Variants in PCDHGA12 observed in about 807,000 individuals in gnomAD.
The protein encoded by PCDHGA12 is protocadherin gamma-A12.
Under a neutral mutation model 61.1 loss-of-function variants are expected in PCDHGA12, and 43 were observed. That is an observed-to-expected ratio of 0.70 (90% CI 0.55 to 0.91). PCDHGA12 has a LOEUF of 0.91. Among genes scored for constraint, PCDHGA12 ranks in the 40% least tolerant of loss-of-function variants. The probability of loss-of-function intolerance (pLI) is 0.00; values close to 1 mark genes in which losing one functional copy is unlikely to be tolerated. For synonymous variants in PCDHGA12, 520 were observed against 542.9 expected, an observed-to-expected ratio of 0.96 and a Z score of 0.59; for missense variants, 1,236 against 1,227.7, an observed-to-expected ratio of 1.01 and a Z score of -0.10.
Position 141,432,010 on chromosome 5 carries a change from CT to C in PCDHGA12, c.1252del (p.Tyr418ThrfsTer5). The C allele has an allele frequency of 6.2e-7, 1 of 1,614,068 alleles. No individual in the cohort carries two copies. Among genetic ancestry groups the C allele is most frequent in the Non-Finnish European group, 8.5e-7 (1 of 1,180,022 alleles). Reference protein sequence around the residue: ...IVLDREQVPSYNITVTATDRG... With the variant: ...IVLDREQVPSXNITVTATDRG... ...TCTTGGATAGGGAACAGGTTCCTAG[CT>C]ACAACATCACAGTGACCGCCACTGA... On this transcript the variant is annotated frameshift_variant, in exon 1 of 4. Coordinates refer to ENST00000252085, the MANE Select transcript of PCDHGA12 (RefSeq NM_003735.3). LOFTEE classifies it high-confidence loss of function. This position sits in a 1 kb window ranked among gnomAD's most constrained non-coding sequence, Gnocchi z 6.0.
In PCDHGA12 at chr5:141,453,631, T is replaced by C. The variant is rs114710858; in HGVS notation, c.2424+20448T>C. On this transcript the variant is annotated intron_variant, in intron 1 of 3. Transcript: ENST00000252085. ...AACGCAAAAACAAAACCTATACATATTTATATTTTCTTATGTCCTCTTCTT... is the reference window on the plus strand; with the variant it reads ...AACGCAAAAACAAAACCTATACATACTTATATTTTCTTATGTCCTCTTCTT... Among the ~76,000 whole-genome samples the C allele has an allele frequency of 8.2e-3, 1,249 of 152,332 alleles. 7 individuals are homozygous for C. Among genetic ancestry groups the C allele is most frequent in the Non-Finnish European group, 0.013 (893 of 68,030 alleles).
In PCDHGA12 at chr5:141,431,280, C is replaced by T. The variant is rs2097357763; in HGVS notation, c.521C>T (p.Pro174Leu). The T allele has an allele frequency of 1.9e-6, 3 of 1,614,146 alleles. No homozygotes were observed. Among genetic ancestry groups the T allele is most frequent in the South Asian group, 1.1e-5 (1 of 91,088 alleles). ...TCTCTGCAGAGCTACGAGCTCAGCC[C>T]GAACACTCACTTCTCCCTCATCGTG... ...KNSLQSYELS[P>L]NTHFSLIVQN... is the part of the protein sequence containing the mutation. Residue 174 changes from proline (P) to leucine (L), a missense_variant, in exon 1 of 4, where the codon CCG becomes CTG. Transcript: ENST00000252085. This position sits in a 1 kb window ranked among gnomAD's most constrained non-coding sequence, Gnocchi z 4.8.
chr5:141,431,356 C>T lies in PCDHGA12; in HGVS notation c.597C>T (p.Ala199=). ...ACCCCGAATTGGTGCTGAAACGCGC[C>T]CTGGACCGCGAAGAAAAGGCTGCTC... ...SKYPELVLKR[A]LDREEKAAHH... is the part of the protein sequence containing the mutation. Residue 199 remains alanine (A), a synonymous_variant, in exon 1 of 4, where the codon GCC becomes GCT. Transcript: ENST00000252085. This position sits in a 1 kb window ranked among gnomAD's most constrained non-coding sequence, Gnocchi z 4.8. 6.2e-7 allele frequency: 1 copy of T among 1,614,004 alleles called. No individual in the cohort carries two copies. The highest frequency in any genetic ancestry group is 8.5e-7 in the Non-Finnish European group (1 of 1,180,026).
At chr5:141,469,948 T>C (rs1258593339) in intron 1 of PCDHGA12, among the ~76,000 whole-genome samples, 2 of 152,110 alleles carry the variant, frequency 1.3e-5, no homozygotes, top group Admixed American at 1.3e-4. Flanking sequence ...CTGGCCAGCA[T>C]GGTGAAACCC....
intron 1 of PCDHGA12, among the ~76,000 whole-genome samples, chr5:141,454,649 G>A (rs1202153817): frequency 6.6e-6 from 1 of 151,800 alleles, no homozygotes; most frequent in Non-Finnish European, 1.5e-5. Context: ...CAGGTGATCT[G>A]CCCACCTCGG....
intron 1 of PCDHGA12, among the ~76,000 whole-genome samples, chr5:141,437,093 C>T (rs1382920904): frequency 2.6e-5 from 4 of 152,136 alleles, no homozygotes; most frequent in East Asian, 1.9e-4. Flanking sequence ...TTGAAACTAA[C>T]GGCTTAGCTT....
At chr5:141,492,659 T>C (rs2099742881) in intron 1 of PCDHGA12, among the ~76,000 whole-genome samples, 1 of 152,182 alleles carries the variant, frequency 6.6e-6, no homozygotes, top group Non-Finnish European at 1.5e-5. Context: ...GTCCGGATGG[T>C]CCCGGGACTC....
chr5:141,434,010 T>C (rs772136259), intron 1 of PCDHGA12, among the ~76,000 whole-genome samples: 26 of 152,224 alleles, frequency 1.7e-4, no homozygotes, highest in Non-Finnish European at 3.1e-4. Flanking sequence ...TATATGTTTG[T>C]TTCTATGATT....
rs919375073 is a variant in PCDHGA12 at position 141,490,642 on chromosome 5, C to A, written c.2425-4165C>A. On this transcript the variant is annotated intron_variant, in intron 1 of 3. Coordinates refer to ENST00000252085, the MANE Select transcript of PCDHGA12 (RefSeq NM_003735.3). This position sits in a 1 kb window ranked among gnomAD's most constrained non-coding sequence, Gnocchi z 5.4. ...CACTGCTTACATCCTAGAAAACCGG[C>A]CTCCGGGCTCCCTTCTTTGCACTGT... 4.3e-6 allele frequency: 7 copies of A among 1,614,102 alleles called. No individual in the cohort carries two copies. In the African/African-American group the frequency reaches 6.7e-5, roughly 15 times the overall value.
chr5:141,501,701 G>A (rs747266621), intron 2 of PCDHGA12, among the ~76,000 whole-genome samples: 3 of 151,984 alleles, frequency 2.0e-5, no homozygotes, highest in East Asian at 1.9e-4. Flanking sequence ...GGGTGATTCC[G>A]AGGATAAAAA....
At chr5:141,440,221 C>A (rs557068282) in intron 1 of PCDHGA12, 2 of 152,450 alleles carry the variant, frequency 1.3e-5, no homozygotes, top group Admixed American at 6.5e-5. Context: ...GTAATCCCAG[C>A]ACTTTGGGAG....
chr5:141,460,277 A>C (rs2154566827), intron 1 of PCDHGA12, among the ~76,000 whole-genome samples: 1 of 152,124 alleles, frequency 6.6e-6, no homozygotes, highest in African/African-American at 2.4e-5. Context: ...TTTCTTTTAT[A>C]GTTTGTATTT....
rs2098098668 is a variant in PCDHGA12, at chr5:141,439,210, T to C, written c.2424+6027T>C. Among the ~76,000 whole-genome samples the C allele has an allele frequency of 4.0e-5, 6 of 150,296 alleles. No homozygotes were observed. The Middle Eastern group carries it at 0.014, about 343-fold the overall frequency. On this transcript the variant is annotated intron_variant, in intron 1 of 3. Transcript: ENST00000252085. The stretch of plus-strand genomic sequence containing the variant: ...TCTGACAAAAAAAAAAAAAAATCCA[T>C]ATGTGAAAATTCTTAGAAGCTTCCT...
chr5:141,479,435 G>C (rs2099495981), intron 1 of PCDHGA12: 1 of 152,218 alleles, frequency 6.6e-6, no homozygotes, highest in Non-Finnish European at 1.5e-5. Context: ...TCAATCCACT[G>C]TCTGCACTAA....
In PCDHGA12 at chr5:141,433,358, C is replaced by CCTATCTATCTATCTAT. The variant is rs3074541; in HGVS notation, c.2424+208_2424+223dup. ...ACAGGTGCAAGCCACCTACTGTCTG[C>CCTATCTATCTATCTAT]CTATCTATCTATCTATCTATCTATC... On this transcript the variant is annotated intron_variant, in intron 1 of 3. Coordinates refer to ENST00000252085, the MANE Select transcript of PCDHGA12 (RefSeq NM_003735.3). 1.1e-3 allele frequency: 566 copies of CCTATCTATCTATCTAT among 504,038 alleles called. 2 individuals carry two copies. The highest frequency in any genetic ancestry group is 1.7e-3 in the East Asian group (49 of 28,778). The allele number at this position is 504,038 out of a possible 1,614,324, so 31.2% of individuals were successfully genotyped here.
chr5:141,502,578 T>C (rs2099815145), intron 2 of PCDHGA12, among the ~76,000 whole-genome samples: 1 of 152,198 alleles, frequency 6.6e-6, no homozygotes, highest in African/African-American at 2.4e-5. Context: ...TATAAAAATA[T>C]ATTTTTATAA....
chr5:141,431,876 GA>G lies in PCDHGA12; in HGVS notation c.1118del (p.Asp373AlafsTer10). 6.2e-7 allele frequency: 1 copy of G among 1,614,188 alleles called. No individual in the cohort carries two copies. Among genetic ancestry groups the G allele is most frequent in the Non-Finnish European group, 8.5e-7 (1 of 1,180,008 alleles). On this transcript the variant is annotated frameshift_variant, in exon 1 of 4. Transcript: ENST00000252085. LOFTEE classifies it high-confidence loss of function. The surrounding 1 kb of genome is among the most constrained non-coding windows in gnomAD (Gnocchi z 4.8). ...ATTAATTGCCCTTTTAAATGTAAATGACCAAGATTCTGAGGAAAACGGACAG... is the reference window on the plus strand; with the variant it reads ...ATTAATTGCCCTTTTAAATGTAAATGCCAAGATTCTGAGGAAAACGGACAG... The part of the protein sequence containing the change: ...GTLIALLNVN[D>X]QDSEENGQVI...
intron 1 of PCDHGA12, among the ~76,000 whole-genome samples, chr5:141,465,206 C>T (rs375753635): frequency 1.8e-4 from 27 of 151,896 alleles, no homozygotes; most frequent in Middle Eastern, 3.4e-3. Context: ...AAAATATAAG[C>T]TTTATTTTTC....
intron 1 of PCDHGA12, among the ~76,000 whole-genome samples, chr5:141,444,838 T>G (rs2098448876): frequency 6.6e-6 from 1 of 152,214 alleles, no homozygotes; most frequent in African/African-American, 2.4e-5. Context: ...AGCTTTATAG[T>G]AAGTCTTGCT....
Sources: allele counts gnomAD v4.1 joint callset (sites outside exome capture counted in the v4.1 genomes callset), GRCh38; gene constraint gnomAD v4.1.1; non-coding constraint Gnocchi (gnomAD v3.1); transcripts MANE v1.5; gene names NCBI Gene and HGNC (gene_info 2026-07-23, HGNC 2026-07-21).